TRMT9B: variants seen among roughly 807,000 people sequenced by gnomAD.
TRMT9B encodes the protein probable tRNA methyltransferase 9B.
A neutral mutation model predicts 11.5 loss-of-function variants in TRMT9B; 16 were observed. The observed-to-expected ratio is 1.39, with a 90% CI of 0.94 to 2.11. The LOEUF (loss-of-function observed/expected upper bound fraction) is 2.11. TRMT9B is among the 30% of genes most tolerant of loss of function. The probability of loss-of-function intolerance (pLI) is 0.00; values close to 1 mark genes in which losing one functional copy is unlikely to be tolerated. For missense variants in TRMT9B, 941 were observed against 553.8 expected (o/e 1.70, Z -7.02); for synonymous variants, 274 against 192.4 (o/e 1.42, Z -3.51).
intron 1 of TRMT9B, among the ~76,000 whole-genome samples, chr8:12,988,347 A>T (rs556120239): frequency 2.2e-4 from 34 of 152,342 alleles, no homozygotes; most frequent in African/African-American, 7.7e-4. Flanking sequence ...GTTTAGATCC[A>T]TGATAATTAA....
intron 1 of TRMT9B, among the ~76,000 whole-genome samples, chr8:12,948,685 G>A (rs1390884158): frequency 6.6e-6 from 1 of 151,968 alleles, no homozygotes; most frequent in Non-Finnish European, 1.5e-5. Flanking sequence ...AGAAGGCCAG[G>A]CACGGTGGCT....
chr8:13,000,564 A>G (rs1809235177), intron 2 of TRMT9B, among the ~76,000 whole-genome samples: 1 of 152,172 alleles, frequency 6.6e-6, no homozygotes. Context: ...CCCCCAGCAA[A>G]GTTAGTTGTA....
At chr8:12,994,427 G>A (rs998361806) in intron 2 of TRMT9B, among the ~76,000 whole-genome samples, 11 of 152,214 alleles carry the variant, frequency 7.2e-5, no homozygotes, top group Non-Finnish European at 1.2e-4. Context: ...CATGCCTCTA[G>A]CTGCATGGAT....
chr8:12,996,446 G>A (rs1262901549), intron 2 of TRMT9B, among the ~76,000 whole-genome samples: 1 of 152,122 alleles, frequency 6.6e-6, no homozygotes, highest in Non-Finnish European at 1.5e-5. Flanking sequence ...GATTTCTTCT[G>A]AGGCAAAACT....
At chr8:12,996,393 G>A (rs1397262795) in intron 2 of TRMT9B, among the ~76,000 whole-genome samples, 1 of 152,116 alleles carries the variant, frequency 6.6e-6, no homozygotes, top group Non-Finnish European at 1.5e-5. Flanking sequence ...GGATAATCTG[G>A]CATTAGACAT....
chr8:12,969,582 G>A lies in TRMT9B; in HGVS notation c.-199-21252G>A, dbSNP rs1803298178. ...CCTAATACAATGTAAGTGCTAAGTA[G>A]TTGTAATAATGTATCTCTTATTTGT... On this transcript the variant is annotated intron_variant, in intron 1 of 4. Coordinates refer to ENST00000524591, the MANE Select transcript of TRMT9B (RefSeq NM_020844.3). Among the ~76,000 whole-genome samples the A allele has an allele frequency of 2.6e-5, 4 of 152,068 alleles. No homozygotes were observed. In the South Asian group the frequency reaches 8.3e-4, roughly 32 times the overall value.
chr8:12,998,360 G>A lies in TRMT9B; in HGVS notation c.-2+7329G>A, dbSNP rs73665508. Among the ~76,000 whole-genome samples, 438 of 152,292 alleles carry A rather than the reference G, an allele frequency of 2.9e-3. 3 individuals carry two copies. Among genetic ancestry groups the A allele is most frequent in the African/African-American group, 0.01 (416 of 41,558 alleles). On this transcript the variant is annotated intron_variant, in intron 2 of 4. Coordinates refer to ENST00000524591, the MANE Select transcript of TRMT9B (RefSeq NM_020844.3). ...TTTATTGTTCTGTATGATAGAAAGA[G>A]GTTTTAATTCATAAATGTATGTCAG...
rs1034462260 is a variant in TRMT9B at position 13,028,955 on chromosome 8, G to C, written c.*6911G>C. The C allele has an allele frequency of 1.2e-5, 2 of 166,960 alleles. No homozygotes were observed. The highest frequency in any genetic ancestry group is 2.4e-5 in the African/African-American group (1 of 41,418). The allele number at this position is 166,960 out of a possible 1,614,324, so 10.3% of individuals were successfully genotyped here. A position where few individuals can be genotyped will look rare whatever the true frequency, so the allele number is the denominator to read the frequency against. On this transcript the variant is annotated 3_prime_UTR_variant, in exon 5 of 5. Coordinates refer to ENST00000524591, the MANE Select transcript of TRMT9B (RefSeq NM_020844.3). ...TTAAGGCTCACTAATGTGGACCTAAGTGAGTATCTGAGAGGCTTTGAATAT... is the reference window on the plus strand; with the variant it reads ...TTAAGGCTCACTAATGTGGACCTAACTGAGTATCTGAGAGGCTTTGAATAT...
chr8:13,004,531 A>AC (rs991364386), intron 2 of TRMT9B, among the ~76,000 whole-genome samples: 5 of 151,510 alleles, frequency 3.3e-5, no homozygotes, highest in Admixed American at 6.6e-5. Context: ...TTCAGGCCCT[A>AC]CCCCCCAGAT....
At position 12,987,033 on chromosome 8, in the gene TRMT9B, A is replaced by G. The variant is rs116438172; in HGVS notation, c.-199-3801A>G. On this transcript the variant is annotated intron_variant, in intron 1 of 4. Coordinates refer to ENST00000524591, the MANE Select transcript of TRMT9B (RefSeq NM_020844.3). ...ATGTTCAGAAGCTGGACTAGGTCCT[A>G]TATGATCTGACTCCTGCCCTCTCTT... Among the ~76,000 whole-genome samples, 516 of 152,276 alleles carry G rather than the reference A, an allele frequency of 3.4e-3. 6 individuals are homozygous for G. The highest frequency in any genetic ancestry group is 0.011 in the African/African-American group (474 of 41,558).
intron 1 of TRMT9B, among the ~76,000 whole-genome samples, chr8:12,964,872 G>A (rs979389531): frequency 6.6e-6 from 1 of 152,144 alleles, no homozygotes; most frequent in Admixed American, 6.5e-5. Context: ...GATTACAGGT[G>A]TGAGCCATGT....
intron 1 of TRMT9B, among the ~76,000 whole-genome samples, chr8:12,980,606 A>C (rs1361193513): frequency 6.6e-6 from 1 of 152,176 alleles, no homozygotes; most frequent in East Asian, 1.9e-4. Context: ...AAGCCAAAAT[A>C]AACCAAGATT....
intron 2 of TRMT9B, 139 bp downstream of exon 2, chr8:12,991,170 T>C (rs2128878869): frequency 3.5e-6 from 1 of 283,074 alleles, no homozygotes; most frequent in South Asian, 6.7e-5. Flanking sequence ...TTGGAATTTA[T>C]TTTTGCATGA....
At chr8:13,019,908 T>G (rs1436769247) in intron 4 of TRMT9B, among the ~76,000 whole-genome samples, 3 of 152,190 alleles carry the variant, frequency 2.0e-5, no homozygotes, top group Admixed American at 2.0e-4. Context: ...CTTTCTTACA[T>G]TACTGCATGG....
At chr8:12,982,880 C>G (rs1005999257) in intron 1 of TRMT9B, among the ~76,000 whole-genome samples, 3 of 152,144 alleles carry the variant, frequency 2.0e-5, no homozygotes, top group Non-Finnish European at 2.9e-5. Flanking sequence ...CTCCAAGGGA[C>G]AAAAGGCCCT....
At chr8:12,967,971 C>T (rs1001515385) in intron 1 of TRMT9B, among the ~76,000 whole-genome samples, 1 of 152,240 alleles carries the variant, frequency 6.6e-6, no homozygotes, top group East Asian at 1.9e-4. Flanking sequence ...TCTTGGCTCA[C>T]TGCAACCTCC....
At chr8:12,992,299 A>C (rs1807494356) in intron 2 of TRMT9B, among the ~76,000 whole-genome samples, 2 of 152,174 alleles carry the variant, frequency 1.3e-5, no homozygotes, top group Non-Finnish European at 2.9e-5. Flanking sequence ...CAGAGTTGAG[A>C]GTTCATGACA....
rs1379391032 is a variant in TRMT9B, at chr8:12,969,644, T to A, written c.-199-21190T>A. On this transcript the variant is annotated intron_variant, in intron 1 of 4. Transcript: ENST00000524591. ...TTTTTTCCTAATATTTTTTCTTTTT[T>A]AAAAATTCTCTTTTTATTGTTTCTT... 3.3e-5 allele frequency among the ~76,000 whole-genome samples: 5 copies of A among 152,166 alleles called. 1 individual carries two copies. The highest frequency in any genetic ancestry group is 1.9e-4 in the East Asian group (1 of 5,188).
At chr8:12,994,780 C>G (rs1377600440) in intron 2 of TRMT9B, among the ~76,000 whole-genome samples, 2 of 152,194 alleles carry the variant, frequency 1.3e-5, no homozygotes, top group Non-Finnish European at 2.9e-5. Flanking sequence ...CTTTCGGGTT[C>G]AAGCAATTCT....
Sources: allele counts gnomAD v4.1 joint callset (sites outside exome capture counted in the v4.1 genomes callset), GRCh38; gene constraint gnomAD v4.1.1; transcripts MANE v1.5; gene names NCBI Gene and HGNC (gene_info 2026-07-23, HGNC 2026-07-21).